The following CRBN variants were observed in gnomAD, a reference collection of about 807,000 sequenced individuals.
CRBN encodes the protein protein cereblon.
In CRBN, 53 loss-of-function variants were observed where a neutral mutation model predicts 62.2. The ratio of observed to expected loss-of-function variants is 0.85; its 90% CI spans 0.68 to 1.07. The LOEUF is 1.07. Ranked by LOEUF, CRBN falls within the 50% of genes least tolerant of loss-of-function variation. The pLI is 0.00. For missense variants in CRBN, 616 were observed against 531.1 expected, an observed-to-expected ratio of 1.16 and a Z score of -1.57; for synonymous variants, 208 against 176.1, an observed-to-expected ratio of 1.18 and a Z score of -1.43.
chr3:3,160,075 A>G (rs941149543), intron 5 of CRBN, among the ~76,000 whole-genome samples: 1 of 152,220 alleles, frequency 6.6e-6, no homozygotes, highest in African/African-American at 2.4e-5. Context: ...TACTGAAAGC[A>G]GGCATAAAAG....
chr3:3,163,008 G>A (rs576388685), intron 5 of CRBN, among the ~76,000 whole-genome samples: 43 of 152,258 alleles, frequency 2.8e-4, no homozygotes, highest in African/African-American at 9.9e-4. Context: ...CACTGCATAC[G>A]GAGTTCCTAC....
chr3:3,170,839 C>A (rs1007079133), intron 4 of CRBN, among the ~76,000 whole-genome samples: 4 of 152,064 alleles, frequency 2.6e-5, no homozygotes, highest in African/African-American at 9.7e-5. Context: ...GAGTTTTCCT[C>A]TTGTTGCCCA....
intron 5 of CRBN, among the ~76,000 whole-genome samples, chr3:3,160,031 G>T (rs1356324466): frequency 1.3e-5 from 2 of 152,182 alleles, no homozygotes; most frequent in Admixed American, 6.5e-5. Context: ...GGATTCTCCA[G>T]CAGAGTAGTA....
chr3:3,155,552 C>T (rs1275882494), intron 6 of CRBN: 1 of 152,952 alleles, frequency 6.5e-6, no homozygotes, highest in South Asian at 2.1e-4. Context: ...GATCTGAAAT[C>T]CAGATTCTTT....
chr3:3,161,483 G>A (rs1433607835), intron 5 of CRBN, among the ~76,000 whole-genome samples: 1 of 152,178 alleles, frequency 6.6e-6, no homozygotes. Flanking sequence ...TCGCCTCCCG[G>A]GTTCCAGTGA....
intron 10 of CRBN, among the ~76,000 whole-genome samples, chr3:3,152,032 C>T (rs1380164635): frequency 6.6e-6 from 1 of 152,058 alleles, no homozygotes; most frequent in East Asian, 1.9e-4. Flanking sequence ...TAACTGGATA[C>T]AGTAATCTGA....
At chr3:3,152,115 T>C (rs2126049982) in intron 10 of CRBN, among the ~76,000 whole-genome samples, 1 of 152,062 alleles carries the variant, frequency 6.6e-6, no homozygotes, top group Admixed American at 6.6e-5. Flanking sequence ...AACAGATGTT[T>C]CTAGCTATTT....
At chr3:3,156,396 G>T in intron 5 of CRBN, 115 bp from the exon 6 acceptor site, 1 of 907,046 alleles carries the variant, frequency 1.1e-6, no homozygotes, top group Non-Finnish European at 1.8e-6. Flanking sequence ...ATTTTAAAAA[G>T]ATAAAAAATT....
chr3:3,165,081 T>G (rs577202375), intron 5 of CRBN, among the ~76,000 whole-genome samples: 1 of 152,112 alleles, frequency 6.6e-6, no homozygotes, highest in Non-Finnish European at 1.5e-5. Flanking sequence ...ACTGCAGATG[T>G]GACAGAAACA....
chr3:3,152,817 G>A (rs1372832541), intron 9 of CRBN: 1 of 563,036 alleles, frequency 1.8e-6, no homozygotes, highest in Non-Finnish European at 3.2e-6. Context: ...TGACCCAAAG[G>A]AAATAGTACT....
intron 2 of CRBN, 62 bp downstream of exon 2, chr3:3,175,101 T>G (rs1389746257): frequency 8.7e-7 from 1 of 1,145,974 alleles, no homozygotes; most frequent in African/African-American, 1.5e-5. Context: ...CTTGTTTTTA[T>G]GAACTTTTAT....
At position 3,169,897 on chromosome 3, in the gene CRBN, A is replaced by AG. The variant is rs1465201250; in HGVS notation, c.528-2105_528-2104insC. Among the ~76,000 whole-genome samples, 9 of 8,436 alleles carry AG rather than the reference A, an allele frequency of 1.1e-3. No homozygotes were observed. The East Asian group carries it at 0.2, about 187-fold the overall frequency. The allele number at this position is 8,436 out of a possible 152,430, so 5.5% of individuals were successfully genotyped here. ...TATGTCAGTGAGACCTGTTTTTATT[A>AG]AAAAAAAATTTCTATGTGTTCAGAA... On this transcript the variant is annotated intron_variant, in intron 4 of 10. Transcript: ENST00000231948.
chr3:3,177,365 G>A (rs1465546547), intron 1 of CRBN, among the ~76,000 whole-genome samples: 1 of 152,114 alleles, frequency 6.6e-6, no homozygotes, highest in Non-Finnish European at 1.5e-5. Flanking sequence ...TAACTGCCTT[G>A]GACTTTCTAT....
At chr3:3,162,907 G>C (rs1249543070) in intron 5 of CRBN, among the ~76,000 whole-genome samples, 3 of 152,188 alleles carry the variant, frequency 2.0e-5, no homozygotes, top group African/African-American at 7.2e-5. Context: ...CCTTGTATCT[G>C]TCTAAAGACA....
Position 3,156,284 on chromosome 3 carries a change from GAAAAC to G in CRBN, c.688-8_688-4del. The G allele has an allele frequency of 4.3e-6, 7 of 1,613,514 alleles. No homozygotes were observed. Among genetic ancestry groups the G allele is most frequent in the Non-Finnish European group, 5.9e-6 (7 of 1,179,634 alleles). ...AGATTTGCACAATGAAACTTTCTCT[GAAAAC>G]AAAACAAAAAGGCACTTAAAAAACC... is the stretch of plus-strand genomic sequence containing the variant. On this transcript the variant is annotated splice_region_variant and splice_polypyrimidine_tract_variant and intron_variant, in intron 5 of 10. Transcript: ENST00000231948.
intron 5 of CRBN, among the ~76,000 whole-genome samples, chr3:3,166,152 C>A (rs1707319283): frequency 7.1e-6 from 1 of 140,442 alleles, no homozygotes. Flanking sequence ...ATTGTAACTC[C>A]CACAATTCCC....
At chr3:3,168,701 G>T (rs545122290) in intron 4 of CRBN, among the ~76,000 whole-genome samples, 19 of 152,066 alleles carry the variant, frequency 1.2e-4, no homozygotes, top group Non-Finnish European at 2.5e-4. Flanking sequence ...AGATATTATG[G>T]ATGAAATTCT....
chr3:3,151,161 A>AGTT, intron 10 of CRBN, 116 bp from the exon 11 acceptor site: 2 of 1,123,218 alleles, frequency 1.8e-6, no homozygotes, highest in Non-Finnish European at 1.3e-6. Context: ...AGAGATTCTA[A>AGTT]GTTGAGATTT....
chr3:3,151,352 G>C (rs1706535707), intron 10 of CRBN, among the ~76,000 whole-genome samples: 1 of 151,830 alleles, frequency 6.6e-6, no homozygotes, highest in African/African-American at 2.4e-5. Context: ...ATTCTAACTT[G>C]TACTGGCACC....
Sources: gnomAD v4.1 joint callset for allele counts (sites outside exome capture counted in the v4.1 genomes callset) on GRCh38, gnomAD v4.1.1 for gene constraint, MANE v1.5 for transcripts, NCBI Gene and HGNC (gene_info 2026-07-23, HGNC 2026-07-21) for gene names.